Variants in GRB14 observed in about 807,000 individuals in gnomAD.
GRB14 encodes growth factor receptor bound protein 14, also known as growth factor receptor-bound protein 14.
Under a neutral mutation model 69.1 loss-of-function variants are expected in GRB14, and 38 were observed. That is an observed-to-expected ratio of 0.55 (90% CI 0.42 to 0.72). GRB14 has a LOEUF of 0.72. Ranked by LOEUF, GRB14 falls within the 30% of genes least tolerant of loss-of-function variation. The pLI, the probability that GRB14 is intolerant of heterozygous loss-of-function variation, is 0.00. For synonymous variants in GRB14, 247 were observed against 241.3 expected (o/e 1.02, Z -0.22); for missense variants, 666 against 666.1 (o/e 1.00, Z 0.00).
Position 164,522,046 on chromosome 2 carries a change from A to G in GRB14, c.750T>C (p.Ser250=), listed in dbSNP as rs1410889051. 36 of 1,603,570 alleles carry G rather than the reference A, an allele frequency of 2.2e-5. No homozygotes were observed. The highest frequency in any genetic ancestry group is 3.0e-5 in the Non-Finnish European group (35 of 1,171,982). ...FLHAKEQGKK[S]WKKIYFFLRR... is the part of the protein sequence containing the mutation. ...TTAGAAAAAAGTAAATTTTTTTCCA[A>G]GACTTCTTTCCCTGTTCTTTCGCAT... The change falls in exon 6 of 14, where the codon TCT becomes TCC. Residue 250 remains serine (S), a synonymous_variant. Transcript: ENST00000263915.
At chr2:164,571,084 G>A (rs1266565117) in intron 2 of GRB14, among the ~76,000 whole-genome samples, 2 of 152,158 alleles carry the variant, frequency 1.3e-5, no homozygotes, top group African/African-American at 4.8e-5. Flanking sequence ...AAGACAGGTG[G>A]AATCTCATTT....
chr2:164,607,477 T>C (rs947415875), intron 2 of GRB14, among the ~76,000 whole-genome samples: 2 of 152,188 alleles, frequency 1.3e-5, no homozygotes, highest in African/African-American at 4.8e-5. Flanking sequence ...TGTCAGATAA[T>C]AATAAATGCT....
At chr2:164,600,963 C>T (rs1049058874) in intron 2 of GRB14, among the ~76,000 whole-genome samples, 2 of 151,952 alleles carry the variant, frequency 1.3e-5, no homozygotes, top group Admixed American at 1.3e-4. Flanking sequence ...CTGCAAGTGA[C>T]CTGGGTTCTT....
intron 2 of GRB14, among the ~76,000 whole-genome samples, chr2:164,587,230 T>C (rs1689560121): frequency 6.6e-6 from 1 of 152,186 alleles, no homozygotes; most frequent in African/African-American, 2.4e-5. Flanking sequence ...GGATGACAGA[T>C]GACAATGGAT....
At chr2:164,619,655 A>G (rs1035304893) in intron 2 of GRB14, 32 bp downstream of exon 2, 2 of 1,507,210 alleles carry the variant, frequency 1.3e-6, no homozygotes, top group African/African-American at 2.8e-5. Context: ...AACTCCTAAG[A>G]TTTTTGAAAT....
chr2:164,570,275 T>TAAAAAAAAA (rs35918859), intron 2 of GRB14, among the ~76,000 whole-genome samples: 5 of 57,210 alleles, frequency 8.7e-5, no homozygotes, highest in African/African-American at 3.4e-4. Context: ...AGACTCCATC[T>TAAAAAAAAA]AAAAAAAAAA....
intron 2 of GRB14, among the ~76,000 whole-genome samples, chr2:164,603,832 C>T (rs1433660625): frequency 6.6e-6 from 1 of 152,052 alleles, no homozygotes; most frequent in East Asian, 1.9e-4. Flanking sequence ...GTCACAATTA[C>T]TGAGAAAAGA....
intron 6 of GRB14, among the ~76,000 whole-genome samples, chr2:164,515,417 C>G (rs899318906): frequency 6.6e-6 from 1 of 152,130 alleles, no homozygotes; most frequent in Non-Finnish European, 1.5e-5. Flanking sequence ...AGTACCAGCC[C>G]AGGGCCCGGG....
intron 2 of GRB14, among the ~76,000 whole-genome samples, chr2:164,556,326 G>T (rs1688677019): frequency 6.6e-6 from 1 of 152,150 alleles, no homozygotes; most frequent in Admixed American, 6.6e-5. Flanking sequence ...AAATCAGGTT[G>T]CAAGAAAAGC....
intron 2 of GRB14, among the ~76,000 whole-genome samples, chr2:164,554,935 C>G (rs761848176): frequency 6.0e-5 from 9 of 150,108 alleles, no homozygotes; most frequent in Non-Finnish European, 1.3e-4. Context: ...GAAAAAAAAA[C>G]TTGAGGCCTT....
chr2:164,586,441 A>T (rs915925572), intron 2 of GRB14, among the ~76,000 whole-genome samples: 1 of 152,204 alleles, frequency 6.6e-6, no homozygotes, highest in East Asian at 1.9e-4. Flanking sequence ...CATTCATCAG[A>T]TGAACCCACA....
At chr2:164,501,828 G>A (rs1178605296) in intron 9 of GRB14, among the ~76,000 whole-genome samples, 1 of 151,914 alleles carries the variant, frequency 6.6e-6, no homozygotes, top group African/African-American at 2.4e-5. Flanking sequence ...ATACTAGATT[G>A]TGACAATCCC....
At chr2:164,498,920 C>A (rs1050112692) in intron 9 of GRB14, among the ~76,000 whole-genome samples, 1 of 152,052 alleles carries the variant, frequency 6.6e-6, no homozygotes, top group African/African-American at 2.4e-5. Context: ...GTTACAGGAG[C>A]CTTTATAACT....
At chr2:164,521,093 A>G (rs183009071) in intron 6 of GRB14, among the ~76,000 whole-genome samples, 80 of 152,272 alleles carry the variant, frequency 5.3e-4, no homozygotes, top group African/African-American at 1.8e-3. Flanking sequence ...TTGCAAAAAT[A>G]TGGAACCAGC....
At chr2:164,574,185 C>T (rs1431856406) in intron 2 of GRB14, 2 of 586,012 alleles carry the variant, frequency 3.4e-6, no homozygotes, top group Non-Finnish European at 6.0e-6. Flanking sequence ...CCACCACTAG[C>T]CATTTTTTCC....
intron 2 of GRB14, among the ~76,000 whole-genome samples, chr2:164,577,480 A>ACT (rs1162565222): frequency 6.6e-6 from 1 of 150,828 alleles, no homozygotes; most frequent in African/African-American, 2.4e-5. Context: ...TTCCCCTTCA[A>ACT]CTCTCTCTCT....
rs1689185663 is a variant in GRB14 at position 164,574,072 on chromosome 2, C to T, written c.325-26256G>A. The T allele has an allele frequency of 9.0e-6, 9 of 1,000,992 alleles. No homozygotes were observed. In the South Asian group the frequency reaches 1.2e-4, roughly 14 times the overall value. The allele number at this position is 1,000,992 out of a possible 1,614,324, so 62.0% of individuals were successfully genotyped here. ...TAGCCTAGATCTTCAGAGGTAAATT[C>T]AGAAACTCTGGTTTTACCAGCTCAT... On this transcript the variant is annotated intron_variant, in intron 2 of 13. Coordinates refer to ENST00000263915, the MANE Select transcript of GRB14 (RefSeq NM_004490.3).
chr2:164,619,640 T>C, intron 2 of GRB14, 47 bp downstream of exon 2: 1 of 1,350,824 alleles, frequency 7.4e-7, no homozygotes, highest in African/African-American at 1.5e-5. Context: ...ACTGTATGGA[T>C]TCAGAACTCC....
At chr2:164,589,025 GCAT>G (rs1689598176) in intron 2 of GRB14, among the ~76,000 whole-genome samples, 1 of 152,118 alleles carries the variant, frequency 6.6e-6, no homozygotes, top group Non-Finnish European at 1.5e-5. Flanking sequence ...TATAAATCCA[GCAT>G]ATTAGTTGCA....
Sources: gnomAD v4.1 joint callset for allele counts (sites outside exome capture counted in the v4.1 genomes callset) on GRCh38, gnomAD v4.1.1 for gene constraint, MANE v1.5 for transcripts, NCBI Gene and HGNC (gene_info 2026-07-23, HGNC 2026-07-21) for gene names.